PLCL2: variants seen among roughly 807,000 people sequenced by gnomAD.
PLCL2 encodes phospholipase C like 2, also known as inactive phospholipase C-like protein 2.
Under a neutral mutation model 79.6 loss-of-function variants are expected in PLCL2, and 4 were observed. That is an observed-to-expected ratio of 0.05 (90% CI 0.02 to 0.11). The LOEUF (loss-of-function observed/expected upper bound fraction) is 0.11. Among genes scored for constraint, PLCL2 ranks in the 10% least tolerant of loss-of-function variants. PLCL2 has a pLI of 1.00. For synonymous variants in PLCL2, 484 were observed against 457.7 expected (o/e 1.06, Z -0.73); for missense variants, 895 against 1,291.0 (o/e 0.69, Z 4.70).
At chr3:17,039,419 C>G (rs1033985871) in intron 3 of PLCL2, among the ~76,000 whole-genome samples, 3 of 152,282 alleles carry the variant, frequency 2.0e-5, no homozygotes, top group Middle Eastern at 3.4e-3. Context: ...CTTAAGAGTA[C>G]CTAGAGGAGC....
intron 1 of PLCL2, among the ~76,000 whole-genome samples, chr3:16,976,747 C>G (rs1200632744): frequency 6.6e-6 from 1 of 152,162 alleles, no homozygotes; most frequent in African/African-American, 2.4e-5. Flanking sequence ...GAGGGAGGGA[C>G]AGTGTTGTCC....
chr3:16,928,765 G>A (rs1317325275), intron 1 of PLCL2, among the ~76,000 whole-genome samples: 1 of 152,218 alleles, frequency 6.6e-6, no homozygotes, highest in African/African-American at 2.4e-5. Context: ...TAAAGTATGA[G>A]AAGTATGGAG....
intron 1 of PLCL2, among the ~76,000 whole-genome samples, chr3:16,922,928 A>G (rs983314080): frequency 2.6e-5 from 4 of 152,148 alleles, no homozygotes; most frequent in African/African-American, 9.7e-5. Flanking sequence ...TGATTTCCCT[A>G]TCAATACTTA....
intron 5 of PLCL2, among the ~76,000 whole-genome samples, chr3:17,087,509 A>G (rs1301461031): frequency 6.6e-6 from 1 of 152,226 alleles, no homozygotes; most frequent in African/African-American, 2.4e-5. Flanking sequence ...GGAGTGGGGA[A>G]GGATGACTAG....
At chr3:17,056,449 T>C (rs187371017) in intron 4 of PLCL2, among the ~76,000 whole-genome samples, 1 of 152,232 alleles carries the variant, frequency 6.6e-6, no homozygotes, top group African/African-American at 2.4e-5. Context: ...ATTATAAATA[T>C]ATAAGGGATT....
chr3:16,957,607 C>G (rs1374970942), intron 1 of PLCL2, among the ~76,000 whole-genome samples: 1 of 152,108 alleles, frequency 6.6e-6, no homozygotes, highest in Non-Finnish European at 1.5e-5. Context: ...TCTCGTTGAT[C>G]TGTCTAATGT....
intron 1 of PLCL2, among the ~76,000 whole-genome samples, chr3:16,948,425 A>G (rs886498487): frequency 6.6e-6 from 1 of 152,142 alleles, no homozygotes; most frequent in African/African-American, 2.4e-5. Flanking sequence ...TAGGGTGATA[A>G]AAATGTACTA....
At chr3:17,014,644 T>A in intron 2 of PLCL2, 64 bp from the exon 3 acceptor site, 1 of 1,237,824 alleles carries the variant, frequency 8.1e-7, no homozygotes, top group South Asian at 1.2e-5. Context: ...ATATCAAATA[T>A]AATATCCATG....
intron 1 of PLCL2, among the ~76,000 whole-genome samples, chr3:16,938,774 C>A (rs889773617): frequency 6.6e-6 from 1 of 152,094 alleles, no homozygotes; most frequent in African/African-American, 2.4e-5. Flanking sequence ...TATGCCCCAC[C>A]CAGGCATGAG....
intron 3 of PLCL2, among the ~76,000 whole-genome samples, chr3:17,042,078 A>G (rs1030090007): frequency 1.3e-5 from 2 of 152,254 alleles, no homozygotes; most frequent in Non-Finnish European, 1.5e-5. Context: ...AAATACAAAT[A>G]TGTAAAATTT....
intron 1 of PLCL2, among the ~76,000 whole-genome samples, chr3:16,969,025 T>C (rs1234301623): frequency 6.6e-6 from 1 of 152,172 alleles, no homozygotes; most frequent in Non-Finnish European, 1.5e-5. Context: ...TTAAGTTCTG[T>C]TTATGTAATG....
At chr3:16,991,764 A>G (rs768317962) in intron 1 of PLCL2, among the ~76,000 whole-genome samples, 2 of 152,210 alleles carry the variant, frequency 1.3e-5, no homozygotes, top group Non-Finnish European at 2.9e-5. Context: ...TTTCAAAAGT[A>G]CAACTAAATT....
chr3:17,023,203 G>A (rs918398431), intron 3 of PLCL2, among the ~76,000 whole-genome samples: 6 of 152,128 alleles, frequency 3.9e-5, no homozygotes, highest in South Asian at 2.1e-4. Flanking sequence ...CTGTTCTCTC[G>A]TCAAGAAAGC....
chr3:17,022,074 T>G (rs2124900620), intron 3 of PLCL2, among the ~76,000 whole-genome samples: 1 of 152,066 alleles, frequency 6.6e-6, no homozygotes, highest in African/African-American at 2.4e-5. Flanking sequence ...ATGGTTTTAC[T>G]TTTCTGTTTA....
intron 1 of PLCL2, among the ~76,000 whole-genome samples, chr3:16,922,734 T>C (rs1003807348): frequency 6.7e-6 from 1 of 150,164 alleles, no homozygotes; most frequent in African/African-American, 2.4e-5. Context: ...AAAATATTAT[T>C]AAGAAAAAAT....
intron 3 of PLCL2, among the ~76,000 whole-genome samples, chr3:17,028,387 T>C (rs1270619539): frequency 1.3e-5 from 2 of 152,198 alleles, no homozygotes; most frequent in Non-Finnish European, 2.9e-5. Context: ...AGCCTCTGGA[T>C]TCCCACACCT....
At chr3:16,974,123 A>C (rs1040135151) in intron 1 of PLCL2, among the ~76,000 whole-genome samples, 5 of 152,094 alleles carry the variant, frequency 3.3e-5, no homozygotes, top group Admixed American at 2.6e-4. Flanking sequence ...TGGTGGGGAG[A>C]GTGAGGCAGG....
chr3:17,067,719 C>T (rs1046771234), intron 4 of PLCL2, among the ~76,000 whole-genome samples: 2 of 152,178 alleles, frequency 1.3e-5, no homozygotes, highest in Admixed American at 6.5e-5. Flanking sequence ...CATAGGTGCC[C>T]TGTTTCCCTT....
intron 1 of PLCL2, among the ~76,000 whole-genome samples, chr3:16,900,821 G>C (rs1053895753): frequency 3.9e-5 from 6 of 152,168 alleles, no homozygotes; most frequent in Non-Finnish European, 8.8e-5. Context: ...TTTGGACTCA[G>C]ATCTGCTGGT....
Sources: gnomAD v4.1 joint callset for allele counts (sites outside exome capture counted in the v4.1 genomes callset) on GRCh38, gnomAD v4.1.1 for gene constraint, MANE v1.5 for transcripts, NCBI Gene and HGNC (gene_info 2026-07-23, HGNC 2026-07-21) for gene names.